The following MIER3 variants were observed in gnomAD, a reference collection of about 807,000 sequenced individuals.
MIER3 encodes the protein MIER family member 3, also known as mesoderm induction early response protein 3.
A neutral mutation model predicts 63.2 loss-of-function variants in MIER3; 9 were observed. That is an observed-to-expected ratio of 0.14 (90% CI 0.09 to 0.25). The LOEUF is 0.25. Among genes scored for constraint, MIER3 ranks in the 10% least tolerant of loss-of-function variants. MIER3 has a pLI of 1.00. For missense variants in MIER3, 512 were observed against 666.2 expected, an observed-to-expected ratio of 0.77 and a Z score of 2.55; for synonymous variants, 205 against 224.9, an observed-to-expected ratio of 0.91 and a Z score of 0.79.
intron 3 of MIER3, among the ~76,000 whole-genome samples, chr5:56,944,575 G>GT (rs1180139326): frequency 1.3e-5 from 2 of 152,182 alleles, no homozygotes; most frequent in African/African-American, 4.8e-5. Context: ...ACAACTGATG[G>GT]TATCACTGGA....
intron 8 of MIER3, among the ~76,000 whole-genome samples, chr5:56,931,928 G>C (rs1750281957): frequency 6.6e-6 from 1 of 152,138 alleles, no homozygotes; most frequent in African/African-American, 2.4e-5. Flanking sequence ...AAAGAGTCAA[G>C]TAGTTTCAAC....
At chr5:56,927,577 G>A (rs747895817) in intron 10 of MIER3, among the ~76,000 whole-genome samples, 1 of 151,940 alleles carries the variant, frequency 6.6e-6, no homozygotes, top group Non-Finnish European at 1.5e-5. Context: ...ATAGACTTTA[G>A]TTTTTAAGAG....
chr5:56,948,431 A>G (rs936498524), intron 2 of MIER3, among the ~76,000 whole-genome samples: 2 of 152,128 alleles, frequency 1.3e-5, no homozygotes, highest in Non-Finnish European at 2.9e-5. Context: ...TGGGAGGCCG[A>G]AGTGGGGGGA....
intron 5 of MIER3, 25 bp from the exon 6 acceptor site, chr5:56,935,776 T>C: frequency 6.4e-7 from 1 of 1,568,690 alleles, no homozygotes; most frequent in Non-Finnish European, 8.7e-7. Context: ...ATTAAAAAGG[T>C]TTTTACTGCC....
intron 10 of MIER3, chr5:56,925,461 A>G (rs1749920531): frequency 6.1e-6 from 2 of 325,274 alleles, no homozygotes; most frequent in Middle Eastern, 1.1e-3. Flanking sequence ...CCTATATAAC[A>G]GCAATGACGA....
chr5:56,928,657 A>AC (rs199946992), intron 10 of MIER3, 110 bp downstream of exon 10: 11 of 358,398 alleles, frequency 3.1e-5, no homozygotes, highest in East Asian at 7.4e-5. Context: ...CTGAAATGCT[A>AC]TAAGGGAACA....
chr5:56,939,122 A>G (rs1375950239), intron 3 of MIER3, 105 bp from the exon 4 acceptor site: 35 of 1,241,942 alleles, frequency 2.8e-5, no homozygotes, highest in Non-Finnish European at 3.8e-5. Context: ...TCAAAACAGC[A>G]GAACAAATCA....
intron 7 of MIER3, among the ~76,000 whole-genome samples, chr5:56,934,821 T>C (rs573716014): frequency 6.6e-6 from 1 of 152,322 alleles, no homozygotes; most frequent in South Asian, 2.1e-4. Context: ...CAAACACCCA[T>C]GGAAATATTC....
intron 1 of MIER3, 68 bp downstream of exon 1, chr5:56,952,026 C>T (rs1751054841): frequency 2.1e-5 from 26 of 1,229,310 alleles, no homozygotes; most frequent in Non-Finnish European, 2.6e-5. Flanking sequence ...CAGGCTGGCT[C>T]GGGGGTCGCG....
Position 56,938,866 on chromosome 5 carries a change from C to T in MIER3, c.315+17G>A. ...GGTAACAGACCCTGAATTTTTCTTT[C>T]AAATGCTCACACTTACTTTGTCTAG... On this transcript the variant is annotated intron_variant, in intron 4 of 12. Coordinates refer to ENST00000381199, the MANE Select transcript of MIER3 (RefSeq NM_001297599.2). 2 of 1,603,632 alleles carry T rather than the reference C, an allele frequency of 1.2e-6. No individual in the cohort carries two copies.
intron 8 of MIER3, among the ~76,000 whole-genome samples, chr5:56,931,057 TAG>T (rs1561236007): frequency 1.3e-5 from 2 of 152,224 alleles, no homozygotes; most frequent in African/African-American, 4.8e-5. Flanking sequence ...TCCCCTATTT[TAG>T]ATGTTTCTTT....
intron 9 of MIER3, 103 bp downstream of exon 9, chr5:56,930,561 A>T: frequency 1.1e-6 from 1 of 928,050 alleles, no homozygotes. Context: ...AGATCTTACA[A>T]AAGTGTTACA....
chr5:56,933,496 G>C (rs1750344245), intron 7 of MIER3, 98 bp from the exon 8 acceptor site: 1 of 1,148,572 alleles, frequency 8.7e-7, no homozygotes, highest in Non-Finnish European at 1.2e-6. Context: ...TATCCAGTGG[G>C]ACAAGTAAAT....
At chr5:56,942,929 G>A (rs1750698728) in intron 3 of MIER3, among the ~76,000 whole-genome samples, 1 of 152,086 alleles carries the variant, frequency 6.6e-6, no homozygotes, top group African/African-American at 2.4e-5. Context: ...GATTGCTCGA[G>A]CCCAGGAGTT....
chr5:56,945,291 C>T (rs1287448940), intron 3 of MIER3, among the ~76,000 whole-genome samples: 3 of 151,912 alleles, frequency 2.0e-5, no homozygotes, highest in Non-Finnish European at 4.4e-5. Context: ...GGCAAAACCC[C>T]GTCTCTACCA....
At chr5:56,938,085 A>G (rs1259505971) in intron 4 of MIER3, among the ~76,000 whole-genome samples, 1 of 152,190 alleles carries the variant, frequency 6.6e-6, no homozygotes, top group Non-Finnish European at 1.5e-5. Context: ...CACTCTTCCA[A>G]TAATTTAAAA....
In MIER3 at chr5:56,935,813, C is replaced by T. The variant is rs2112114248; in HGVS notation, c.437-62G>A. The T allele has an allele frequency of 6.4e-6, 8 of 1,251,170 alleles. No individual in the cohort carries two copies. In the South Asian group the frequency reaches 9.9e-5, roughly 16 times the overall value. The allele number at this position is 1,251,170 out of a possible 1,614,324, so 77.5% of individuals were successfully genotyped here. On this transcript the variant is annotated intron_variant, in intron 5 of 12. Transcript: ENST00000381199. ...ATTTTTGCAGAACCTGGAAGAATGC[C>T]TGTTGTATTTTACAAAATGTTGTTA...
In MIER3 at chr5:56,951,981, C is replaced by T. The variant is rs578127072; in HGVS notation, c.9+113G>A. 1.3e-4 allele frequency: 117 copies of T among 910,058 alleles called. 1 individual carries two copies. The South Asian group carries it at 5.2e-3, about 40-fold the overall frequency. The allele number at this position is 910,058 out of a possible 1,614,324, so 56.4% of individuals were successfully genotyped here. Reference sequence around the variant, plus strand: ...CGCGACCCCCGCGTCGCCACGCCGCCCCTCATGGGGCAGCGGAAAGAGCCC... The same window carrying T: ...CGCGACCCCCGCGTCGCCACGCCGCTCCTCATGGGGCAGCGGAAAGAGCCC... On this transcript the variant is annotated intron_variant, in intron 1 of 12. Coordinates refer to ENST00000381199, the MANE Select transcript of MIER3 (RefSeq NM_001297599.2).
chr5:56,944,992 C>A (rs976149121), intron 3 of MIER3, among the ~76,000 whole-genome samples: 1 of 152,188 alleles, frequency 6.6e-6, no homozygotes, highest in African/African-American at 2.4e-5. Context: ...CCACTGCCCC[C>A]AGCCTAAATG....
Sources: allele counts gnomAD v4.1 joint callset (sites outside exome capture counted in the v4.1 genomes callset), GRCh38; gene constraint gnomAD v4.1.1; transcripts MANE v1.5; gene names NCBI Gene and HGNC (gene_info 2026-07-23, HGNC 2026-07-21).